Variants in GAS7 observed in about 807,000 individuals in gnomAD.
GAS7 encodes the protein growth arrest-specific protein 7.
GAS7 carries 28 observed loss-of-function variants against 71.1 expected under a neutral mutation model. The ratio of observed to expected loss-of-function variants is 0.39; its 90% CI spans 0.29 to 0.54. The LOEUF is 0.54. GAS7 is among the 20% of genes least tolerant of loss of function. The pLI is 0.62. For synonymous variants in GAS7, 258 were observed against 245.8 expected, an observed-to-expected ratio of 1.05 and a Z score of -0.46; for missense variants, 436 against 627.8, an observed-to-expected ratio of 0.69 and a Z score of 3.27.
chr17:10,045,037 T>A (rs572518704), intron 1 of GAS7, among the ~76,000 whole-genome samples: 3 of 101,220 alleles, frequency 3.0e-5, no homozygotes, highest in African/African-American at 1.4e-4. Flanking sequence ...CGAGACTCCA[T>A]CTCAAAAAAA....
At chr17:10,100,676 G>A (rs1406745143) in intron 1 of GAS7, among the ~76,000 whole-genome samples, 2 of 152,140 alleles carry the variant, frequency 1.3e-5, no homozygotes, top group Non-Finnish European at 2.9e-5. Context: ...CCATCTGAAA[G>A]CTGCTAGGTG....
In GAS7 at chr17:9,982,580, C is replaced by T. The variant is rs544839662; in HGVS notation, c.305-696G>A. On this transcript the variant is annotated intron_variant, in intron 2 of 13. Transcript: ENST00000432992. ...TCACTTGAGGTCAGGAGTTCGAGAC[C>T]GGCCTGGCCAACATGGTGAAACCCT... 1.2e-4 allele frequency among the ~76,000 whole-genome samples: 19 copies of T among 152,082 alleles called. 1 individual carries two copies. The South Asian group carries it at 3.3e-3, about 27-fold the overall frequency.
chr17:9,918,746 T>C (rs916793628), intron 12 of GAS7, among the ~76,000 whole-genome samples: 2 of 151,844 alleles, frequency 1.3e-5, no homozygotes, highest in African/African-American at 2.4e-5. Flanking sequence ...GTGGAAAGGG[T>C]TTGTCCTCTG....
chr17:10,169,949 C>T (rs1256468486), intron 1 of GAS7, among the ~76,000 whole-genome samples: 1 of 152,164 alleles, frequency 6.6e-6, no homozygotes, highest in Non-Finnish European at 1.5e-5. Flanking sequence ...TCCTTCCTCC[C>T]ATTTGCTTAT....
At chr17:10,079,144 T>G (rs1189577623) in intron 1 of GAS7, among the ~76,000 whole-genome samples, 1 of 152,072 alleles carries the variant, frequency 6.6e-6, no homozygotes, top group Non-Finnish European at 1.5e-5. Context: ...CTCTCTAAAA[T>G]AACAAAAACC....
intron 1 of GAS7, among the ~76,000 whole-genome samples, chr17:10,125,618 T>G (rs910490335): frequency 6.7e-6 from 1 of 150,108 alleles, no homozygotes; most frequent in Non-Finnish European, 1.5e-5. Flanking sequence ...CTTTCCCAGT[T>G]GGATGAAAGA....
At chr17:10,160,798 C>T (rs1251311634) in intron 1 of GAS7, among the ~76,000 whole-genome samples, 1 of 152,142 alleles carries the variant, frequency 6.6e-6, no homozygotes, top group Non-Finnish European at 1.5e-5. Context: ...ACACTAAAAC[C>T]TCAAACTCCT....
At chr17:9,931,768 T>C (rs1295613272) in intron 9 of GAS7, among the ~76,000 whole-genome samples, 1 of 152,160 alleles carries the variant, frequency 6.6e-6, no homozygotes, top group African/African-American at 2.4e-5. Flanking sequence ...CATCTGGGTG[T>C]CAACTCAATC....
At chr17:9,961,173 C>CA (rs761280993) in intron 4 of GAS7, among the ~76,000 whole-genome samples, 1 of 152,178 alleles carries the variant, frequency 6.6e-6, no homozygotes, top group Non-Finnish European at 1.5e-5. Flanking sequence ...CTAGTGACCC[C>CA]AACGGGCTCC....
intron 2 of GAS7, among the ~76,000 whole-genome samples, chr17:10,017,378 G>A (rs993651578): frequency 1.3e-5 from 2 of 151,608 alleles, no homozygotes; most frequent in African/African-American, 4.8e-5. Context: ...CACCAGGCTG[G>A]AGTGCAATGG....
intron 1 of GAS7, among the ~76,000 whole-genome samples, chr17:10,114,203 C>T (rs1390141916): frequency 6.6e-6 from 1 of 152,140 alleles, no homozygotes. Context: ...GCTGAGATTA[C>T]AGGCATGAGC....
At chr17:10,162,827 A>C (rs950632408) in intron 1 of GAS7, among the ~76,000 whole-genome samples, 1 of 152,180 alleles carries the variant, frequency 6.6e-6, no homozygotes, top group Non-Finnish European at 1.5e-5. Context: ...CAATGGAGTT[A>C]CCAGGGGCTG....
At chr17:9,939,675 T>A (rs2068528799) in intron 8 of GAS7, among the ~76,000 whole-genome samples, 1 of 151,858 alleles carries the variant, frequency 6.6e-6, no homozygotes, top group African/African-American at 2.4e-5. Flanking sequence ...AGTGGCCCGA[T>A]CGCAGCTCAC....
chr17:10,011,779 C>A (rs893947215), intron 2 of GAS7, among the ~76,000 whole-genome samples: 3 of 152,070 alleles, frequency 2.0e-5, no homozygotes, highest in Non-Finnish European at 2.9e-5. Context: ...AAGTTCGAGA[C>A]CAGCCTGACC....
intron 1 of GAS7, among the ~76,000 whole-genome samples, chr17:10,158,581 C>T (rs2074224665): frequency 6.6e-6 from 1 of 152,014 alleles, no homozygotes; most frequent in African/African-American, 2.4e-5. Flanking sequence ...CTGTTCTCAA[C>T]TTACTTTGAA....
chr17:10,075,748 C>T (rs1458662361), intron 1 of GAS7, among the ~76,000 whole-genome samples: 1 of 150,404 alleles, frequency 6.6e-6, no homozygotes, highest in Non-Finnish European at 1.5e-5. Flanking sequence ...TGAGTTATGA[C>T]TGTCCCCCTG....
chr17:9,910,933 GTA>G lies in GAS7; in HGVS notation c.*6293_*6294del, dbSNP rs1484237176. 3 of 231,572 alleles carry G rather than the reference GTA, an allele frequency of 1.3e-5. No homozygotes were observed. The highest frequency in any genetic ancestry group is 2.6e-5 in the Non-Finnish European group (3 of 116,858). The allele number at this position is 231,572 out of a possible 1,614,324, so 14.3% of individuals were successfully genotyped here. On this transcript the variant is annotated 3_prime_UTR_variant, in exon 14 of 14. Transcript: ENST00000432992. ...GACACGGCTCTTTAACATGAAAAAT[GTA>G]TAAAGTATTTAGCAAAAGTTACAGA...
Position 9,926,692 on chromosome 17 carries a change from G to A in GAS7, c.963C>T (p.His321=). 5 of 1,613,974 alleles carry A rather than the reference G, an allele frequency of 3.1e-6. No individual in the cohort carries two copies. Among genetic ancestry groups the A allele is most frequent in the Non-Finnish European group, 4.2e-6 (5 of 1,179,992 alleles). Reference sequence around the variant, plus strand: ...CGAGCTGCTTGCGAAGGTCGGCAATGTGGTGGTCGCACTTCTTCATGTCTT... The same window carrying A: ...CGAGCTGCTTGCGAAGGTCGGCAATATGGTGGTCGCACTTCTTCATGTCTT... ...FKKDMKKCDH[H]IADLRKQLAS... The change falls in exon 10 of 14, where the codon CAC becomes CAT. Residue 321 remains histidine (H), a synonymous_variant. Coordinates refer to ENST00000432992, the MANE Select transcript of GAS7 (RefSeq NM_201433.2). The surrounding 1 kb of genome is among the most constrained non-coding windows in gnomAD (Gnocchi z 5.0).
intron 1 of GAS7, among the ~76,000 whole-genome samples, chr17:10,048,995 C>T (rs1448796487): frequency 2.0e-5 from 3 of 152,168 alleles, no homozygotes; most frequent in East Asian, 3.9e-4. Flanking sequence ...AACCAGGATA[C>T]GAGTTTCTCC....
Sources: gnomAD v4.1 joint callset for allele counts (sites outside exome capture counted in the v4.1 genomes callset) on GRCh38, gnomAD v4.1.1 for gene constraint, Gnocchi (gnomAD v3.1) non-coding constraint, MANE v1.5 for transcripts, NCBI Gene and HGNC (gene_info 2026-07-23, HGNC 2026-07-21) for gene names.